Variants in TUT7 observed in about 807,000 individuals in gnomAD.
The protein encoded by TUT7 is terminal uridylyl transferase 7, also known as terminal uridylyltransferase 7.
TUT7 carries 33 observed loss-of-function variants against 165.9 expected under a neutral mutation model. The ratio of observed to expected loss-of-function variants is 0.20; its 90% confidence interval spans 0.15 to 0.27. The LOEUF is 0.27. Among genes scored for constraint, TUT7 ranks in the 10% least tolerant of loss-of-function variants. The pLI, the probability that TUT7 is intolerant of heterozygous loss-of-function variation, is 1.00. For missense variants in TUT7, 1,338 were observed against 1,762.3 expected, an observed-to-expected ratio of 0.76 and a Z score of 4.31; for synonymous variants, 552 against 608.1, an observed-to-expected ratio of 0.91 and a Z score of 1.36.
At position 86,305,225 on chromosome 9, in the gene TUT7, T is replaced by A; in HGVS notation, c.3853A>T (p.Asn1285Tyr). ...GATAATCCAGCTCCAAGATTATGATTCAAATCAAAGGGATCTAAGCAAAAA... is the reference window on the plus strand; with the variant it reads ...GATAATCCAGCTCCAAGATTATGATACAAATCAAAGGGATCTAAGCAAAAA... ...YIVIEDPFDL[N>Y]HNLGAGLSRK... Residue 1285 changes from asparagine (N) to tyrosine (Y), a missense_variant, in exon 23 of 27, where the codon AAT becomes TAT. Physicochemically the swap from Asn to Tyr is moderately radical, Grantham distance 143 (BLOSUM62 -2). Transcript: ENST00000375963. 6.2e-7 allele frequency: 1 copy of A among 1,600,254 alleles called. No homozygotes were observed.
intron 19 of TUT7, 55 bp downstream of exon 19, chr9:86,309,873 G>T: frequency 6.8e-7 from 1 of 1,462,968 alleles, no homozygotes; most frequent in Non-Finnish European, 9.6e-7. Flanking sequence ...GTTTTCAACA[G>T]TGTTTAAAGA....
chr9:86,348,126 G>A (rs1831934532), intron 2 of TUT7, among the ~76,000 whole-genome samples: 1 of 152,008 alleles, frequency 6.6e-6, no homozygotes, highest in Non-Finnish European at 1.5e-5. Context: ...CTCTCTTCTG[G>A]TCACAAAGGT....
intron 10 of TUT7, among the ~76,000 whole-genome samples, chr9:86,330,291 C>T (rs568406533): frequency 6.6e-6 from 1 of 152,128 alleles, no homozygotes; most frequent in Admixed American, 6.5e-5. Flanking sequence ...AACTCCTGAC[C>T]TCAGGTGATC....
rs781452089 is a variant in TUT7, at chr9:86,301,487, C to T, written c.4209G>A (p.Val1403=). ...GTATGGGCTTATCTTCTTTTGTTGA[C>T]ACCTCCCTTTCTGTGTACTTGTTGT... is the stretch of plus-strand genomic sequence containing the variant. The part of the protein sequence containing the change: ...EIHNKYTERE[V]STKEDKPIQC... Residue 1403 remains valine, a synonymous_variant, in exon 26 of 27, where the codon GTG becomes GTA. Transcript: ENST00000375963. 1.2e-6 allele frequency: 2 copies of T among 1,614,080 alleles called. No individual in the cohort carries two copies. The highest frequency in any genetic ancestry group is 8.5e-7 in the Non-Finnish European group (1 of 1,180,014).
intron 14 of TUT7, among the ~76,000 whole-genome samples, chr9:86,320,489 T>C (rs1320879476): frequency 6.6e-6 from 1 of 152,226 alleles, no homozygotes; most frequent in African/African-American, 2.4e-5. Flanking sequence ...AAAATTATTC[T>C]ATGTTCAAAT....
chr9:86,307,351 A>T (rs1236096571), intron 22 of TUT7, among the ~76,000 whole-genome samples: 2 of 152,236 alleles, frequency 1.3e-5, no homozygotes, highest in African/African-American at 4.8e-5. Flanking sequence ...TAGTAAGTCA[A>T]AAATTCTATG....
At chr9:86,305,379 A>T in intron 22 of TUT7, 140 bp from the exon 23 acceptor site, 1 of 611,614 alleles carries the variant, frequency 1.6e-6, no homozygotes, top group Non-Finnish European at 2.8e-6. Flanking sequence ...CACATGATAG[A>T]AAAGAAGTGC....
At chr9:86,345,377 A>G (rs978213718) in intron 4 of TUT7, among the ~76,000 whole-genome samples, 4 of 152,202 alleles carry the variant, frequency 2.6e-5, no homozygotes, top group African/African-American at 7.2e-5. Flanking sequence ...AGTGTAAGGA[A>G]AGAATATTAA....
rs1378789068 is a variant in TUT7, at chr9:86,311,243, A to C, written c.3275-434T>G. Among the ~76,000 whole-genome samples, 1 of 152,182 alleles carries C rather than the reference A, an allele frequency of 6.6e-6. No homozygotes were observed. Among genetic ancestry groups the C allele is most frequent in the East Asian group, 1.9e-4 (1 of 5,190 alleles). On this transcript the variant is annotated intron_variant, in intron 17 of 26. Transcript: ENST00000375963. This position sits in a 1 kb window ranked among gnomAD's most constrained non-coding sequence, Gnocchi z 4.4. Reference sequence around the variant, plus strand: ...GGGACGATTATCCTCCAAACAAGTTACTCACCTTAAAGCTAGAAGTTATGA... The same window carrying C: ...GGGACGATTATCCTCCAAACAAGTTCCTCACCTTAAAGCTAGAAGTTATGA...
chr9:86,307,466 G>A (rs1386904430), intron 22 of TUT7, among the ~76,000 whole-genome samples: 1 of 151,940 alleles, frequency 6.6e-6, no homozygotes, highest in African/African-American at 2.4e-5. Flanking sequence ...CTGCCAATAG[G>A]CAGAAATAAT....
At chr9:86,317,624 G>A (rs778632213) in intron 16 of TUT7, among the ~76,000 whole-genome samples, 2 of 152,074 alleles carry the variant, frequency 1.3e-5, no homozygotes, top group African/African-American at 2.4e-5. Context: ...CCATGTCCCA[G>A]AATAAATGAG....
At chr9:86,292,137 G>A (rs974853368) in intron 26 of TUT7, among the ~76,000 whole-genome samples, 17 of 152,194 alleles carry the variant, frequency 1.1e-4, no homozygotes, top group East Asian at 1.9e-4. Flanking sequence ...CAGATCTCCC[G>A]GGCTCAAGCC....
intron 18 of TUT7, 123 bp downstream of exon 18, chr9:86,310,583 A>G (rs1486044239): frequency 4.8e-6 from 3 of 622,028 alleles, no homozygotes; most frequent in Non-Finnish European, 8.6e-6. Flanking sequence ...GCAAGTAAGC[A>G]TAATAACTCT....
At chr9:86,290,256 G>C (rs778157460) in intron 26 of TUT7, among the ~76,000 whole-genome samples, 3 of 152,112 alleles carry the variant, frequency 2.0e-5, no homozygotes, top group Non-Finnish European at 2.9e-5. Context: ...AGAATGGAGG[G>C]AGTACAGATG....
chr9:86,292,136 C>T (rs572168812), intron 26 of TUT7, among the ~76,000 whole-genome samples: 137 of 152,140 alleles, frequency 9.0e-4, no homozygotes, highest in Admixed American at 5.1e-3. Context: ...TCAGATCTCC[C>T]GGGCTCAAGC....
Position 86,317,247 on chromosome 9 carries a change from T to C in TUT7, c.3246A>G (p.Glu1082=), listed in dbSNP as rs1828806487. ...EGLDCVRTIE[E]LARVLRKHSG... ...AATGTTTTCTGAGGACTCTTGCTAA[T>C]TCTTCAATAGTTCTGACACAGTCCA... Residue 1082 remains glutamate, a synonymous_variant, in exon 17 of 27, where the codon GAA becomes GAG. Transcript: ENST00000375963. 1 of 1,613,806 alleles carries C rather than the reference T, an allele frequency of 6.2e-7. No homozygotes were observed. Among genetic ancestry groups the C allele is most frequent in the African/African-American group, 1.3e-5 (1 of 74,912 alleles).
At chr9:86,321,623 G>A (rs972688152) in intron 14 of TUT7, among the ~76,000 whole-genome samples, 2 of 152,072 alleles carry the variant, frequency 1.3e-5, no homozygotes, top group Non-Finnish European at 2.9e-5. Context: ...CAGCTACTTG[G>A]GTGGTTGAGG....
At chr9:86,310,860 A>G (rs1322149525) in intron 17 of TUT7, 51 bp from the exon 18 acceptor site, 2 of 1,027,194 alleles carry the variant, frequency 1.9e-6, no homozygotes, top group Middle Eastern at 2.1e-4. Context: ...TGGGGATATA[A>G]GTAACTCTTA....
At chr9:86,304,195 C>G (rs1225434595) in intron 24 of TUT7, among the ~76,000 whole-genome samples, 1 of 152,016 alleles carries the variant, frequency 6.6e-6, no homozygotes, top group Non-Finnish European at 1.5e-5. Flanking sequence ...ATACATGTAT[C>G]AAATCATCAC....
Sources: gnomAD v4.1 joint callset for allele counts (sites outside exome capture counted in the v4.1 genomes callset) on GRCh38, gnomAD v4.1.1 for gene constraint, Gnocchi (gnomAD v3.1) non-coding constraint, MANE v1.5 for transcripts, NCBI Gene and HGNC (gene_info 2026-07-23, HGNC 2026-07-21) for gene names.